The following AURKA variants were observed in gnomAD, a reference collection of about 807,000 sequenced individuals.
AURKA encodes aurora kinase A.
AURKA carries 12 observed loss-of-function variants against 40.9 expected under a neutral mutation model. The ratio of observed to expected loss-of-function variants is 0.29; its 90% CI spans 0.19 to 0.48. AURKA has a LOEUF of 0.48. Ranked by LOEUF, AURKA falls within the 20% of genes least tolerant of loss-of-function variation. The pLI is 0.99. For missense variants in AURKA, 322 were observed against 462.1 expected (o/e 0.70, Z 2.78); for synonymous variants, 170 against 164.3 (o/e 1.03, Z -0.26).
chr20:56,372,382 G>T (rs1039950875), intron 7 of AURKA, among the ~76,000 whole-genome samples: 2 of 152,160 alleles, frequency 1.3e-5, no homozygotes, highest in African/African-American at 4.8e-5. Context: ...TATCGGTTAT[G>T]TAAGTAATCT....
Position 56,369,735 on chromosome 20 carries a change from C to T in AURKA, c.*423G>A, listed in dbSNP as rs8173. ...TCATTCCAACAGCTTTACCAGGCTT[C>T]GCCAACCCAATAAGTTACACACTCA... is the stretch of plus-strand genomic sequence containing the variant. On this transcript the variant is annotated 3_prime_UTR_variant, in exon 9 of 9. Coordinates refer to ENST00000395915, the MANE Select transcript of AURKA (RefSeq NM_198437.3). 68 of 362,966 alleles carry T rather than the reference C, an allele frequency of 1.9e-4. No individual in the cohort carries two copies. Among genetic ancestry groups the T allele is most frequent in the African/African-American group, 1.1e-3 (57 of 50,080 alleles). 22.5% of individuals were successfully genotyped at this position (362,966 alleles called of 1,614,324 possible).
chr20:56,385,429 T>C (rs1986226962), intron 3 of AURKA, among the ~76,000 whole-genome samples: 1 of 152,074 alleles, frequency 6.6e-6, no homozygotes, highest in African/African-American at 2.4e-5. Flanking sequence ...AATCCAGCGT[T>C]CTACTCCAAT....
chr20:56,379,704 G>T (rs967348349), intron 6 of AURKA, among the ~76,000 whole-genome samples: 1 of 152,188 alleles, frequency 6.6e-6, no homozygotes, highest in Non-Finnish European at 1.5e-5. Context: ...GCTCACACCT[G>T]TAATCCTAGC....
chr20:56,384,133 G>T, intron 4 of AURKA, 137 bp downstream of exon 4: 1 of 612,432 alleles, frequency 1.6e-6, no homozygotes, highest in Non-Finnish European at 2.8e-6. Context: ...TTTAAGATTG[G>T]AAATCTGGAA....
chr20:56,386,575 G>A, intron 2 of AURKA, 42 bp from the exon 3 acceptor site: 2 of 1,608,522 alleles, frequency 1.2e-6, no homozygotes, highest in East Asian at 4.5e-5. Context: ...ATTCATGAAA[G>A]CAAAAGATGA....
chr20:56,385,321 G>A (rs1358532552), intron 3 of AURKA, among the ~76,000 whole-genome samples: 1 of 152,162 alleles, frequency 6.6e-6, no homozygotes, highest in Non-Finnish European at 1.5e-5. Context: ...CAGGGAATGA[G>A]CACTCAACAG....
Position 56,373,042 on chromosome 20 carries a change from C to T in AURKA, c.854+366G>A, listed in dbSNP as rs375855988. On this transcript the variant is annotated intron_variant, in intron 7 of 8. Transcript: ENST00000395915. This position sits in a 1 kb window ranked among gnomAD's most constrained non-coding sequence, Gnocchi z 5.0. ...GTCAGTGCTGTCCTCTGAACCATCT[C>T]CCCATCTCCTCATCCAGGAAGCAGC... 2.0e-5 allele frequency among the ~76,000 whole-genome samples: 3 copies of T among 152,316 alleles called. No homozygotes were observed. The highest frequency in any genetic ancestry group is 3.9e-4 in the East Asian group (2 of 5,184).
intron 4 of AURKA, among the ~76,000 whole-genome samples, chr20:56,383,961 TAC>T (rs943667399): frequency 8.5e-5 from 13 of 152,348 alleles, no homozygotes; most frequent in Admixed American, 8.5e-4. Flanking sequence ...AATAAAAAAG[TAC>T]AGACGCATAA....
chr20:56,382,757 G>A (rs138122299), intron 5 of AURKA, among the ~76,000 whole-genome samples: 1 of 151,928 alleles, frequency 6.6e-6, no homozygotes, highest in East Asian at 1.9e-4. Flanking sequence ...ATTTTAACAT[G>A]CAGAGCATGG....
At chr20:56,383,654 G>A (rs993418644) in intron 4 of AURKA, among the ~76,000 whole-genome samples, 12 of 152,358 alleles carry the variant, frequency 7.9e-5, no homozygotes, top group Non-Finnish European at 1.5e-4. Context: ...TAATGGAAGC[G>A]GGATGGAGCC....
chr20:56,372,508 C>T (rs1386300158), intron 7 of AURKA, among the ~76,000 whole-genome samples: 1 of 135,150 alleles, frequency 7.4e-6, no homozygotes, highest in African/African-American at 2.8e-5. Context: ...CACCAGATAA[C>T]AGCTCCCACT....
At position 56,373,666 on chromosome 20, in the gene AURKA, T is replaced by G; in HGVS notation, c.706-110A>C. On this transcript the variant is annotated intron_variant, in intron 6 of 8. Transcript: ENST00000395915. This position sits in a 1 kb window ranked among gnomAD's most constrained non-coding sequence, Gnocchi z 5.0. ...CATAGATTTAACATGGTTTGCAGGTTTTGGCCAGGCACAGTGGCTCACACC... is the reference window on the plus strand; with the variant it reads ...CATAGATTTAACATGGTTTGCAGGTGTTGGCCAGGCACAGTGGCTCACACC... 10 of 1,348,664 alleles carry G rather than the reference T, an allele frequency of 7.4e-6. No homozygotes were observed. The highest frequency in any genetic ancestry group is 1.0e-5 in the Non-Finnish European group (10 of 966,148). 83.5% of individuals were successfully genotyped at this position (1,348,664 alleles called of 1,614,324 possible). A position where few individuals can be genotyped will look rare whatever the true frequency, so the allele number is the denominator to read the frequency against.
chr20:56,372,484 A>T (rs1160153637), intron 7 of AURKA, among the ~76,000 whole-genome samples: 1 of 144,938 alleles, frequency 6.9e-6, no homozygotes, highest in African/African-American at 2.6e-5. Context: ...GTAAGTCTTT[A>T]TTCTGGTTTG....
Position 56,383,037 on chromosome 20 carries a change from C to T in AURKA, c.514G>A (p.Ala172Thr). Residue 172 changes from alanine (A) to threonine (T), a missense_variant, in exon 5 of 9, where the codon GCC becomes ACC. Transcript: ENST00000395915. ...KVLFKAQLEK[A>T]GVEHQLRREV... ...CTTCTGAGCTGATGCTCCACTCCGGCTTTCTCCAGCTGAGCTTTAAATAAC... is the reference window on the plus strand; with the variant it reads ...CTTCTGAGCTGATGCTCCACTCCGGTTTTCTCCAGCTGAGCTTTAAATAAC... 1.2e-6 allele frequency: 2 copies of T among 1,614,220 alleles called. No individual in the cohort carries two copies. The highest frequency in any genetic ancestry group is 2.2e-5 in the South Asian group (2 of 91,084).
At chr20:56,386,129 T>C in intron 3 of AURKA, 128 bp downstream of exon 3, 2 of 1,350,438 alleles carry the variant, frequency 1.5e-6, no homozygotes, top group Non-Finnish European at 2.1e-6. Flanking sequence ...CCAGACACCA[T>C]ATTTTCTCCC....
intron 4 of AURKA, among the ~76,000 whole-genome samples, chr20:56,383,439 C>T (rs973229785): frequency 2.0e-5 from 3 of 152,188 alleles, no homozygotes; most frequent in African/African-American, 7.2e-5. Context: ...TGGGAAATGT[C>T]CCAAGCCCGT....
At position 56,370,121 on chromosome 20, in the gene AURKA, C is replaced by T. The variant is rs1983911422; in HGVS notation, c.*37G>A. ...AGCATGTTCCTGTCAGGTTATATGG[C>T]AGCCCTGGCTCAAGGATTTCTCCCC... On this transcript the variant is annotated 3_prime_UTR_variant, in exon 9 of 9. Transcript: ENST00000395915. 6.2e-7 allele frequency: 1 copy of T among 1,610,016 alleles called. No homozygotes were observed. The highest frequency in any genetic ancestry group is 8.5e-7 in the Non-Finnish European group (1 of 1,178,166).
Position 56,381,472 on chromosome 20 carries a change from A to T in AURKA, c.666T>A (p.Leu222=), listed in dbSNP as rs745602184. The T allele has an allele frequency of 1.2e-6, 2 of 1,613,754 alleles. No homozygotes were observed. The highest frequency in any genetic ancestry group is 1.7e-6 in the Non-Finnish European group (2 of 1,179,950). Residue 222 remains leucine (L), a synonymous_variant, in exon 6 of 9, where the codon CTT becomes CTA. Transcript: ENST00000395915. The part of the protein sequence containing the change: ...YAPLGTVYRE[L]QKLSKFDEQR... Reference sequence around the variant, plus strand: ...GCTCATCAAACTTTGAAAGTTTCTGAAGTTCTCTATAAACTGTTCCAAGTG... The same window carrying T: ...GCTCATCAAACTTTGAAAGTTTCTGTAGTTCTCTATAAACTGTTCCAAGTG...
rs200767850 is a variant in AURKA at position 56,388,210 on chromosome 20, G to C, written c.-5-8C>G. On this transcript the variant is annotated splice_region_variant and splice_polypyrimidine_tract_variant and intron_variant, in intron 1 of 8. Coordinates refer to ENST00000395915, the MANE Select transcript of AURKA (RefSeq NM_198437.3). ...TAGATCGGTCCATGATGCCTGAAAA[G>C]AAAAAGAAGAACCTTTAATTTGAAC... The C allele has an allele frequency of 1.9e-6, 2 of 1,035,164 alleles. No homozygotes were observed. The highest frequency in any genetic ancestry group is 4.7e-5 in the South Asian group (2 of 42,438). 64.1% of individuals were successfully genotyped at this position (1,035,164 alleles called of 1,614,324 possible).
Sources: gnomAD v4.1 joint callset for allele counts (sites outside exome capture counted in the v4.1 genomes callset) on GRCh38, gnomAD v4.1.1 for gene constraint, Gnocchi (gnomAD v3.1) non-coding constraint, MANE v1.5 for transcripts, NCBI Gene and HGNC (gene_info 2026-07-23, HGNC 2026-07-21) for gene names.